XNDC1N: variants seen among roughly 807,000 people sequenced by gnomAD.
XNDC1N encodes protein XNDC1N.
At chr11:71,917,317 A>G in the XNDC1N span, 14 of 644,780 alleles carry the variant, frequency 2.2e-5, no homozygotes, top group Admixed American at 4.9e-5. Flanking sequence ...CCTGGCCACA[A>G]AAATATATTA....
chr11:71,886,097 C>A, the XNDC1N span, among the ~76,000 whole-genome samples: 1 of 151,848 alleles, frequency 6.6e-6, no homozygotes, highest in African/African-American at 2.4e-5. Context: ...AGAGAGCAGC[C>A]GTAGACTGGG....
the XNDC1N span, among the ~76,000 whole-genome samples, chr11:71,894,636 G>A: frequency 5.3e-5 from 8 of 152,160 alleles, no homozygotes; most frequent in Non-Finnish European, 1.2e-4. Context: ...ATACCTAGGC[G>A]GCCTCTTTTA....
the XNDC1N span, among the ~76,000 whole-genome samples, chr11:71,866,762 TA>T: frequency 4.5e-3 from 636 of 140,860 alleles, 1 homozygote; most frequent in Non-Finnish European, 3.8e-3. Context: ...AGACTCCATC[TA>T]AAAAAAAAAA....
chr11:71,882,256 A>G, the XNDC1N span, among the ~76,000 whole-genome samples: 1 of 152,012 alleles, frequency 6.6e-6, no homozygotes, highest in East Asian at 1.9e-4. Context: ...TCTACTTAGC[A>G]AAATTATCTT....
chr11:71,914,347 T>C, the XNDC1N span: 7 of 456,072 alleles, frequency 1.5e-5, no homozygotes, highest in African/African-American at 6.0e-5. Flanking sequence ...CTAGTGGGCT[T>C]TCAAGACTTC....
At chr11:71,916,653 G>A in the XNDC1N span, 5 of 186,734 alleles carry the variant, frequency 2.7e-5, no homozygotes, top group East Asian at 1.2e-4. Context: ...ACACCACCAC[G>A]TGCTCTACAT....
the XNDC1N span, among the ~76,000 whole-genome samples, chr11:71,870,076 G>A: frequency 2.0e-5 from 3 of 152,136 alleles, no homozygotes; most frequent in African/African-American, 7.2e-5. Flanking sequence ...CTTGTGCAGG[G>A]GAATTCCCAT....
chr11:71,916,344 G>T, the XNDC1N span: 1 of 645,654 alleles, frequency 1.5e-6, no homozygotes, highest in Non-Finnish European at 2.8e-6. Flanking sequence ...AAGGAAAAGA[G>T]CTATAGAGAG....
At chr11:71,897,102 C>G in the XNDC1N span, among the ~76,000 whole-genome samples, 2 of 152,174 alleles carry the variant, frequency 1.3e-5, no homozygotes, top group African/African-American at 4.8e-5. Context: ...AGACCTCACC[C>G]CAAGCGCTAA....
the XNDC1N span, among the ~76,000 whole-genome samples, chr11:71,903,036 C>T: frequency 6.6e-6 from 1 of 152,164 alleles, no homozygotes; most frequent in Admixed American, 6.5e-5. Context: ...GTCAGAACTA[C>T]AAAATATTGC....
chr11:71,924,044 C>T, the XNDC1N span, among the ~76,000 whole-genome samples: 18 of 152,194 alleles, frequency 1.2e-4, no homozygotes, highest in African/African-American at 4.1e-4. Context: ...TGAATTGTGC[C>T]TTAAATTGTA....
chr11:71,913,118 G>A, the XNDC1N span, among the ~76,000 whole-genome samples: 10 of 152,186 alleles, frequency 6.6e-5, no homozygotes, highest in Admixed American at 3.3e-4. Context: ...CTGCGATATT[G>A]AGAGTCATAT....
chr11:71,889,430 C>T, the XNDC1N span, among the ~76,000 whole-genome samples: 1 of 152,124 alleles, frequency 6.6e-6, no homozygotes, highest in African/African-American at 2.4e-5. Flanking sequence ...CATCAGGGCT[C>T]CCTCAAGCAC....
At chr11:71,889,238 A>T in the XNDC1N span, among the ~76,000 whole-genome samples, 2 of 152,264 alleles carry the variant, frequency 1.3e-5, no homozygotes, top group African/African-American at 4.8e-5. Context: ...GGCCTATTGA[A>T]TTCTAGGGAA....
chr11:71,897,918 C>T, the XNDC1N span, among the ~76,000 whole-genome samples: 2 of 152,348 alleles, frequency 1.3e-5, no homozygotes, highest in African/African-American at 4.8e-5. Flanking sequence ...TGCGGTGGCT[C>T]ACGCCTGTAA....
the XNDC1N span, among the ~76,000 whole-genome samples, chr11:71,870,431 G>T: frequency 6.6e-6 from 1 of 152,154 alleles, no homozygotes; most frequent in South Asian, 2.1e-4. Flanking sequence ...GTCCCTTGAG[G>T]TGAGAAACCT....
At chr11:71,916,002 G>C in the XNDC1N span, 1 of 669,632 alleles carries the variant, frequency 1.5e-6, no homozygotes, top group African/African-American at 1.8e-5. Flanking sequence ...TCTCAAACAA[G>C]CATCAGTTTC....
the XNDC1N span, among the ~76,000 whole-genome samples, chr11:71,899,731 C>A: frequency 6.6e-6 from 1 of 152,040 alleles, no homozygotes; most frequent in South Asian, 2.1e-4. Flanking sequence ...CAAGTTTTCT[C>A]CCCATGTGAT....
the XNDC1N span, among the ~76,000 whole-genome samples, chr11:71,876,006 C>G: frequency 1.3e-5 from 2 of 152,002 alleles, no homozygotes; most frequent in African/African-American, 2.4e-5. Context: ...GCCTGGGTGA[C>G]AGAGTAAGAC....
Sources: gnomAD v4.1 joint callset for allele counts (sites outside exome capture counted in the v4.1 genomes callset) on GRCh38, gnomAD v4.1.1 for gene constraint, MANE v1.5 for transcripts, NCBI Gene and HGNC (gene_info 2026-07-23, HGNC 2026-07-21) for gene names.